SYCE3: variants seen among roughly 807,000 people sequenced by gnomAD.
The protein encoded by SYCE3 is synaptonemal complex central element protein 3.
A neutral mutation model predicts 8.1 loss-of-function variants in SYCE3; 3 were observed. The ratio of observed to expected loss-of-function variants is 0.37; its 90% CI spans 0.17 to 0.96. The LOEUF (loss-of-function observed/expected upper bound fraction) is 0.96. Ranked by LOEUF, SYCE3 falls within the 40% of genes least tolerant of loss-of-function variation. The pLI is 0.41. For synonymous variants in SYCE3, 36 were observed against 38.7 expected (o/e 0.93, Z 0.26); for missense variants, 83 against 110.0 (o/e 0.75, Z 1.10).
chr22:50,558,749 A>G (rs6009928), intron 1 of SYCE3, among the ~76,000 whole-genome samples: 12,731 of 152,194 alleles, frequency 0.084, 1,189 homozygotes, highest in African/African-American at 0.23. Context: ...AGAAATGTCC[A>G]GAACACCTTC....
chr22:50,551,173 C>T lies in SYCE3; in HGVS notation c.*72G>A. The T allele has an allele frequency of 4.6e-6, 7 of 1,519,464 alleles. No individual in the cohort carries two copies. In the South Asian group the frequency reaches 8.6e-5, roughly 19 times the overall value. 94.1% of individuals were successfully genotyped at this position (1,519,464 alleles called of 1,614,324 possible). On this transcript the variant is annotated 3_prime_UTR_variant, in exon 3 of 3. Coordinates refer to ENST00000406915, the MANE Select transcript of SYCE3 (RefSeq NM_001123225.3). The stretch of plus-strand genomic sequence containing the variant: ...GTGCATACAGCTATTCATGTGGGTG[C>T]CAGCTCCATCCCCCAGTGACCTCTT...
At position 50,551,299 on chromosome 22, in the gene SYCE3, C is replaced by T; in HGVS notation, c.213G>A (p.Glu71=). 1 of 1,551,400 alleles carries T rather than the reference C, an allele frequency of 6.4e-7. No individual in the cohort carries two copies. Among genetic ancestry groups the T allele is most frequent in the Non-Finnish European group, 8.7e-7 (1 of 1,146,974 alleles). The change falls in exon 3 of 3, where the codon GAG becomes GAA. Residue 71 remains glutamate (E), a synonymous_variant. Coordinates refer to ENST00000406915, the MANE Select transcript of SYCE3 (RefSeq NM_001123225.3). The stretch of plus-strand genomic sequence containing the variant: ...GCTCTTGCCAGTTCTTCTCCATCTC[C>T]TCCTTGCAGTTGACGAAGGCATCCT... ...RLEDAFVNCK[E]EMEKNWQELL... is the part of the protein sequence containing the mutation.
At chr22:50,551,661 C>T (rs1340978645) in intron 2 of SYCE3, among the ~76,000 whole-genome samples, 1 of 151,986 alleles carries the variant, frequency 6.6e-6, no homozygotes, top group African/African-American at 2.4e-5. Flanking sequence ...ATGTAAAAAA[C>T]TAGAGGCTGG....
chr22:50,561,762 G>C (rs2069920597), intron 1 of SYCE3, among the ~76,000 whole-genome samples: 1 of 151,658 alleles, frequency 6.6e-6, no homozygotes, highest in Middle Eastern at 3.2e-3. Flanking sequence ...TCTTTTGTAC[G>C]GGATGAGAGC....
At chr22:50,557,452 A>C (rs2069871755) in intron 1 of SYCE3, among the ~76,000 whole-genome samples, 2 of 152,064 alleles carry the variant, frequency 1.3e-5, no homozygotes, top group African/African-American at 4.8e-5. Context: ...CACCACACCC[A>C]GCCAAGTTTT....
chr22:50,551,416 A>C lies in SYCE3; in HGVS notation c.110-14T>G. 6.5e-7 allele frequency: 1 copy of C among 1,546,448 alleles called. No homozygotes were observed. Among genetic ancestry groups the C allele is most frequent in the Non-Finnish European group, 8.7e-7 (1 of 1,145,572 alleles). On this transcript the variant is annotated splice_polypyrimidine_tract_variant and intron_variant, in intron 2 of 2. Transcript: ENST00000406915. ...AGGTCGCCTGCACTGCAACAAGCAG[A>C]CAGGACTGGTCAGGCCACAGGGAGG...
At chr22:50,557,476 G>A (rs532690039) in intron 1 of SYCE3, among the ~76,000 whole-genome samples, 48 of 152,174 alleles carry the variant, frequency 3.2e-4, no homozygotes, top group African/African-American at 1.1e-3. Context: ...TTTTTTAAAC[G>A]GGAATTATTA....
chr22:50,551,380 A>G lies in SYCE3; in HGVS notation c.132T>C (p.Tyr44=). The part of the protein sequence containing the change: ...KISVQATWMA[Y]DMVVMRTNPT... ...GGTTGGTGCGCATCACCACCATGTC[A>G]TAGGCCATCCAGGTCGCCTGCACTG... The change falls in exon 3 of 3, where the codon TAT becomes TAC. Residue 44 remains tyrosine (Y), a synonymous_variant. Coordinates refer to ENST00000406915, the MANE Select transcript of SYCE3 (RefSeq NM_001123225.3). The G allele has an allele frequency of 2.6e-6, 4 of 1,550,714 alleles. No individual in the cohort carries two copies. Among genetic ancestry groups the G allele is most frequent in the Non-Finnish European group, 3.5e-6 (4 of 1,146,900 alleles).
At chr22:50,556,516 A>C in intron 1 of SYCE3, 111 bp from the exon 2 acceptor site, 1 of 758,802 alleles carries the variant, frequency 1.3e-6, no homozygotes, top group East Asian at 2.7e-5. Context: ...CATCTCTCAG[A>C]TTCAGACAAT....
chr22:50,554,956 A>C (rs2069844933), intron 2 of SYCE3, among the ~76,000 whole-genome samples: 1 of 151,482 alleles, frequency 6.6e-6, no homozygotes, highest in Non-Finnish European at 1.5e-5. Context: ...CCCCGTCTCT[A>C]CTAAAAATAC....
chr22:50,559,854 G>C (rs1215167728), intron 1 of SYCE3, among the ~76,000 whole-genome samples: 13 of 152,198 alleles, frequency 8.5e-5, no homozygotes, highest in Admixed American at 8.5e-4. Flanking sequence ...CTTGAACCCA[G>C]AAGGTGGAGG....
At chr22:50,558,212 T>C (rs938039587) in intron 1 of SYCE3, among the ~76,000 whole-genome samples, 1 of 152,044 alleles carries the variant, frequency 6.6e-6, no homozygotes, top group African/African-American at 2.4e-5. Flanking sequence ...TCACCTGAGG[T>C]CAGGAGTTTG....
At chr22:50,560,943 A>G (rs986060705) in intron 1 of SYCE3, among the ~76,000 whole-genome samples, 3 of 152,226 alleles carry the variant, frequency 2.0e-5, no homozygotes, top group Admixed American at 6.5e-5. Flanking sequence ...TCTTGTAACA[A>G]CAGACATTCT....
rs1045602722 is a variant in SYCE3 at position 50,551,173 on chromosome 22, C to G, written c.*72G>C. 1 of 1,519,342 alleles carries G rather than the reference C, an allele frequency of 6.6e-7. No homozygotes were observed. Among genetic ancestry groups the G allele is most frequent in the African/African-American group, 1.4e-5 (1 of 72,422 alleles). The allele number at this position is 1,519,342 out of a possible 1,614,324, so 94.1% of individuals were successfully genotyped here. A position where few individuals can be genotyped will look rare whatever the true frequency, so the allele number is the denominator to read the frequency against. On this transcript the variant is annotated 3_prime_UTR_variant, in exon 3 of 3. Transcript: ENST00000406915. The stretch of plus-strand genomic sequence containing the variant: ...GTGCATACAGCTATTCATGTGGGTG[C>G]CAGCTCCATCCCCCAGTGACCTCTT...
At chr22:50,556,001 G>T (rs2148698879) in intron 2 of SYCE3, among the ~76,000 whole-genome samples, 1 of 152,128 alleles carries the variant, frequency 6.6e-6, no homozygotes, top group South Asian at 2.1e-4. Flanking sequence ...TACTGTGTTA[G>T]CCAGGATGGT....
intron 1 of SYCE3, among the ~76,000 whole-genome samples, chr22:50,561,424 G>T (rs1569034547): frequency 6.6e-6 from 1 of 151,958 alleles, no homozygotes; most frequent in Non-Finnish European, 1.5e-5. Context: ...TAATGAGGTT[G>T]CCTGGGATGA....
At chr22:50,554,194 C>CAAA (rs397954769) in intron 2 of SYCE3, among the ~76,000 whole-genome samples, 3 of 108,620 alleles carry the variant, frequency 2.8e-5, no homozygotes, top group African/African-American at 3.2e-5. Context: ...GACTCTGTCT[C>CAAA]AAAAAAAAAA....
At chr22:50,562,702 G>A (rs1321937069) in intron 1 of SYCE3, among the ~76,000 whole-genome samples, 156 bp downstream of exon 1, 1 of 149,182 alleles carries the variant, frequency 6.7e-6, no homozygotes, top group African/African-American at 2.5e-5. Context: ...GGCATGGGGT[G>A]TGGAGTGAGT....
At chr22:50,561,960 C>A (rs1569034750) in intron 1 of SYCE3, among the ~76,000 whole-genome samples, 1 of 142,104 alleles carries the variant, frequency 7.0e-6, no homozygotes, top group Non-Finnish European at 1.5e-5. Flanking sequence ...GGGCAGGCTG[C>A]ACGGAATGAG....
Sources: allele counts gnomAD v4.1 joint callset (sites outside exome capture counted in the v4.1 genomes callset), GRCh38; gene constraint gnomAD v4.1.1; transcripts MANE v1.5; gene names NCBI Gene and HGNC (gene_info 2026-07-23, HGNC 2026-07-21).